RIC1: variants seen among roughly 807,000 people sequenced by gnomAD.
RIC1 encodes the protein guanine nucleotide exchange factor subunit RIC1.
Under a neutral mutation model 169.0 loss-of-function variants are expected in RIC1, and 88 were observed. The ratio of observed to expected loss-of-function variants is 0.52; its 90% confidence interval spans 0.44 to 0.62. The LOEUF (loss-of-function observed/expected upper bound fraction) is 0.62. Ranked by LOEUF, RIC1 falls within the 20% of genes least tolerant of loss-of-function variation. The pLI, the probability that RIC1 is intolerant of heterozygous loss-of-function variation, is 0.00. For synonymous variants in RIC1, 790 were observed against 601.5 expected, an observed-to-expected ratio of 1.31 and a Z score of -4.59; for missense variants, 1,877 against 1,725.5, an observed-to-expected ratio of 1.09 and a Z score of -1.56.
chr9:5,680,304 T>A (rs1820737820), intron 2 of RIC1, among the ~76,000 whole-genome samples: 1 of 152,216 alleles, frequency 6.6e-6, no homozygotes, highest in Non-Finnish European at 1.5e-5. Context: ...AAAATTTTCT[T>A]TTTTTGTTGT....
At chr9:5,710,296 T>C (rs1459026800) in intron 3 of RIC1, among the ~76,000 whole-genome samples, 4 of 152,206 alleles carry the variant, frequency 2.6e-5, no homozygotes, top group South Asian at 2.1e-4. Flanking sequence ...ACAGGAAATA[T>C]ACTGTCTGGT....
intron 2 of RIC1, among the ~76,000 whole-genome samples, chr9:5,681,115 C>T (rs13293906): frequency 0.029 from 4,411 of 152,070 alleles, 69 homozygotes; most frequent in Non-Finnish European, 0.035. Context: ...CGTGAGCCAC[C>T]GCGCCCGGCC....
At chr9:5,675,915 T>G (rs1324211416) in intron 2 of RIC1, among the ~76,000 whole-genome samples, 1 of 152,184 alleles carries the variant, frequency 6.6e-6, no homozygotes, top group African/African-American at 2.4e-5. Flanking sequence ...GAAACCACCT[T>G]TGCAAAAATA....
At chr9:5,636,812 A>G (rs532216195) in intron 1 of RIC1, among the ~76,000 whole-genome samples, 3 of 152,258 alleles carry the variant, frequency 2.0e-5, no homozygotes, top group South Asian at 2.1e-4. Flanking sequence ...CCTTTGAACT[A>G]CTGCTTTATA....
chr9:5,754,691 A>G (rs1239000460), intron 14 of RIC1, 150 bp from the exon 15 acceptor site: 3 of 440,242 alleles, frequency 6.8e-6, no homozygotes, highest in African/African-American at 4.0e-5. Flanking sequence ...AGATCGAGCC[A>G]CTGCACTCCA....
chr9:5,769,450 T>C (rs1186848075), intron 22 of RIC1, 194 bp downstream of exon 22: 2 of 1,486,142 alleles, frequency 1.3e-6, no homozygotes, highest in Non-Finnish European at 8.9e-7. Flanking sequence ...AACCTATGTC[T>C]CTAAGTCTTG....
At chr9:5,767,566 T>G (rs1045611458) in intron 21 of RIC1, among the ~76,000 whole-genome samples, 3 of 152,070 alleles carry the variant, frequency 2.0e-5, no homozygotes, top group African/African-American at 7.2e-5. Flanking sequence ...TTATTGAACG[T>G]TTGTTATTGT....
Position 5,755,462 on chromosome 9 carries a change from A to T in RIC1, c.1692+532A>T, listed in dbSNP as rs187475510. ...AGTATATTGTAATAAAAGTTGTATG[A>T]ATGTGGTCTCTCAGAATATCTTAGT... On this transcript the variant is annotated intron_variant, in intron 15 of 25. Transcript: ENST00000414202. 2.6e-3 allele frequency among the ~76,000 whole-genome samples: 400 copies of T among 152,360 alleles called. 2 individuals carry two copies. Among genetic ancestry groups the T allele is most frequent in the African/African-American group, 9.2e-3 (382 of 41,598 alleles).
chr9:5,730,371 C>G (rs35339718), intron 6 of RIC1, among the ~76,000 whole-genome samples: 1 of 152,100 alleles, frequency 6.6e-6, no homozygotes, highest in Admixed American at 6.5e-5. Flanking sequence ...AATATTTAAG[C>G]CTACAATGAA....
chr9:5,683,178 ATTGT>A (rs1184044846), intron 2 of RIC1, among the ~76,000 whole-genome samples: 2 of 152,226 alleles, frequency 1.3e-5, no homozygotes, highest in East Asian at 1.9e-4. Context: ...GCTTTGTTAC[ATTGT>A]TTGTGAGGAG....
At position 5,629,395 on chromosome 9, in the gene RIC1, C is replaced by T; in HGVS notation, c.86C>T (p.Pro29Leu). ...GCGCCTTTCCACGTTCAGTCCGACCCGCAGAGGGCTTTCTTCGCCGTGCTG... is the reference window on the plus strand; with the variant it reads ...GCGCCTTTCCACGTTCAGTCCGACCTGCAGAGGGCTTTCTTCGCCGTGCTG... ...AEAPFHVQSD[P>L]QRAFFAVLAA... The change falls in exon 1 of 26, where the codon CCG (proline) becomes CTG (leucine). Residue 29 changes from proline (P) to leucine (L), a missense_variant. Around this residue, in one of 3 missense-constraint regions of RIC1, gnomAD observed 1,104 missense variants for 992.0 expected, o/e 1.11. Coordinates refer to ENST00000414202, the MANE Select transcript of RIC1 (RefSeq NM_020829.4). 6.5e-7 allele frequency: 1 copy of T among 1,534,556 alleles called. No homozygotes were observed. The highest frequency in any genetic ancestry group is 8.7e-7 in the Non-Finnish European group (1 of 1,146,270).
At chr9:5,645,255 T>C (rs1173118514) in intron 1 of RIC1, among the ~76,000 whole-genome samples, 1 of 152,160 alleles carries the variant, frequency 6.6e-6, no homozygotes, top group African/African-American at 2.4e-5. Flanking sequence ...TCTCCATAAG[T>C]TGCCCAGGCT....
At chr9:5,700,278 T>G (rs1822136228) in intron 3 of RIC1, among the ~76,000 whole-genome samples, 1 of 152,192 alleles carries the variant, frequency 6.6e-6, no homozygotes, top group African/African-American at 2.4e-5. Flanking sequence ...TTTAGAACAT[T>G]ATTGAGGGGA....
At chr9:5,734,743 T>A (rs893436095) in intron 7 of RIC1, among the ~76,000 whole-genome samples, 1 of 152,170 alleles carries the variant, frequency 6.6e-6, no homozygotes, top group Admixed American at 6.5e-5. Flanking sequence ...TAGTAACTGG[T>A]CAACATTGTG....
chr9:5,720,022 T>C (rs1823491106), intron 4 of RIC1, among the ~76,000 whole-genome samples, 160 bp from the exon 5 acceptor site: 1 of 152,256 alleles, frequency 6.6e-6, no homozygotes, highest in South Asian at 2.1e-4. Context: ...TTTCTGATTC[T>C]AGATTGAAAT....
intron 3 of RIC1, among the ~76,000 whole-genome samples, chr9:5,708,601 A>T (rs1277964311): frequency 5.3e-5 from 8 of 152,120 alleles, no homozygotes. Context: ...ATGGTTTCCT[A>T]TGAAAAGTTG....
At chr9:5,736,160 C>T (rs981599178) in intron 7 of RIC1, among the ~76,000 whole-genome samples, 2 of 152,172 alleles carry the variant, frequency 1.3e-5, no homozygotes, top group Admixed American at 6.5e-5. Context: ...CCAGGGTTAG[C>T]AGTTGACAGT....
intron 3 of RIC1, among the ~76,000 whole-genome samples, chr9:5,693,785 A>G (rs1391516726): frequency 6.6e-6 from 1 of 152,130 alleles, no homozygotes. Context: ...ATTTAAACAA[A>G]TATGTCATCA....
chr9:5,763,816 G>A lies in RIC1; in HGVS notation c.2789G>A (p.Cys930Tyr), dbSNP rs1438209053. 1 of 1,614,142 alleles carries A rather than the reference G, an allele frequency of 6.2e-7. No individual in the cohort carries two copies. The highest frequency in any genetic ancestry group is 8.5e-7 in the Non-Finnish European group (1 of 1,179,996). Residue 930 changes from cysteine to tyrosine, a missense_variant, in exon 19 of 26, where the codon TGT (cysteine) becomes TAT (tyrosine). By Grantham distance (194) the Cys-to-Tyr change is radical (BLOSUM62 -2). Coordinates refer to ENST00000414202, the MANE Select transcript of RIC1 (RefSeq NM_020829.4). This position sits in a 1 kb window ranked among gnomAD's most constrained non-coding sequence, Gnocchi z 5.2. ...VGNPKDLFEE[C>Y]LMAQDLDTAA... ...AACCCTAAGGACTTGTTTGAGGAGT[G>A]TTTGATGGCTCAGGATTTGGACACA...
Sources: allele counts gnomAD v4.1 joint callset (sites outside exome capture counted in the v4.1 genomes callset), GRCh38; gene constraint gnomAD v4.1.1; regional missense constraint gnomAD v4.1.1; non-coding constraint Gnocchi (gnomAD v3.1); transcripts MANE v1.5; gene names NCBI Gene and HGNC (gene_info 2026-07-23, HGNC 2026-07-21).